The following AKAP8L variants were observed in gnomAD, a reference collection of about 807,000 sequenced individuals.
The protein encoded by AKAP8L is A-kinase anchor protein 8-like.
AKAP8L carries 34 observed loss-of-function variants against 77.5 expected under a neutral mutation model. The ratio of observed to expected loss-of-function variants is 0.44; its 90% CI spans 0.33 to 0.58. AKAP8L has a LOEUF of 0.58. AKAP8L is among the 20% of genes least tolerant of loss of function. The pLI is 0.02. For synonymous variants in AKAP8L, 342 were observed against 340.7 expected (o/e 1.00, Z -0.04); for missense variants, 806 against 887.6 (o/e 0.91, Z 1.17).
chr19:15,386,681 G>T (rs1174295290), intron 12 of AKAP8L, among the ~76,000 whole-genome samples: 1 of 152,024 alleles, frequency 6.6e-6, no homozygotes, highest in African/African-American at 2.4e-5. Flanking sequence ...TTCTGAGTTG[G>T]AGTTTCACTC....
chr19:15,398,653 G>A lies in AKAP8L; in HGVS notation c.1157+649C>T. The A allele has an allele frequency of 5.1e-6, 5 of 986,994 alleles. No individual in the cohort carries two copies. The highest frequency in any genetic ancestry group is 6.0e-6 in the Non-Finnish European group (5 of 830,890). The allele number at this position is 986,994 out of a possible 1,614,324, so 61.1% of individuals were successfully genotyped here. ...ACCTCTGCCGGACGTCCTTATCTGG[G>A]CCACGGGGTCAGCTTTGTCTGGAGA... On this transcript the variant is annotated intron_variant, in intron 9 of 13. Coordinates refer to ENST00000397410, the MANE Select transcript of AKAP8L (RefSeq NM_014371.4). This position sits in a 1 kb window ranked among gnomAD's most constrained non-coding sequence, Gnocchi z 9.2.
intron 2 of AKAP8L, among the ~76,000 whole-genome samples, chr19:15,405,089 C>T (rs914232595): frequency 6.6e-6 from 1 of 152,244 alleles, no homozygotes; most frequent in Non-Finnish European, 1.5e-5. Flanking sequence ...CAGAGGCTTG[C>T]AGTCCCAGGC....
chr19:15,414,065 T>G (rs1968156355), intron 1 of AKAP8L, among the ~76,000 whole-genome samples: 1 of 147,908 alleles, frequency 6.8e-6, no homozygotes, highest in Non-Finnish European at 1.5e-5. Context: ...AATTCTTTTT[T>G]TTTTTTTTTT....
chr19:15,393,069 A>G (rs1967697175), intron 12 of AKAP8L, among the ~76,000 whole-genome samples: 1 of 152,092 alleles, frequency 6.6e-6, no homozygotes, highest in Non-Finnish European at 1.5e-5. Flanking sequence ...AGATGCCAAG[A>G]TCATTCAATG....
Position 15,401,390 on chromosome 19 carries a change from T to G in AKAP8L, c.576A>C (p.Pro192=). ...GWARDARSGR[P]MASGYGRMWE... ...ACATGCGCCCATAGCCTGAGGCCAT[T>G]GGCCGGCCGCTCCGGGCATCCCGGG... Residue 192 remains proline (P), a synonymous_variant, in exon 5 of 14, where the codon CCA becomes CCC. Coordinates refer to ENST00000397410, the MANE Select transcript of AKAP8L (RefSeq NM_014371.4). This position sits in a 1 kb window ranked among gnomAD's most constrained non-coding sequence, Gnocchi z 6.2. 1 of 1,613,196 alleles carries G rather than the reference T, an allele frequency of 6.2e-7. No individual in the cohort carries two copies.
At chr19:15,384,302 G>GTTTT (rs35204682) in intron 12 of AKAP8L, among the ~76,000 whole-genome samples, 2 of 138,004 alleles carry the variant, frequency 1.4e-5, no homozygotes, top group Non-Finnish European at 3.1e-5. Flanking sequence ...TTCCCTCCCT[G>GTTTT]TTTTTTTTTT....
At position 15,403,411 on chromosome 19, in the gene AKAP8L, G is replaced by C. The variant is rs1381590098; in HGVS notation, c.362+64C>G. 1 of 1,497,990 alleles carries C rather than the reference G, an allele frequency of 6.7e-7. No homozygotes were observed. The highest frequency in any genetic ancestry group is 2.3e-5 in the East Asian group (1 of 44,334). 92.8% of individuals were successfully genotyped at this position (1,497,990 alleles called of 1,614,324 possible). A position where few individuals can be genotyped will look rare whatever the true frequency, so the allele number is the denominator to read the frequency against. ...CAGAGGGGCACTCAGAGAGGAAAAC[G>C]CAGTGGGCAGCAGGCAGGAGCCGCC... On this transcript the variant is annotated intron_variant, in intron 4 of 13. Coordinates refer to ENST00000397410, the MANE Select transcript of AKAP8L (RefSeq NM_014371.4). The surrounding 1 kb of genome is among the most constrained non-coding windows in gnomAD (Gnocchi z 4.3).
Position 15,401,468 on chromosome 19 carries a change from G to C in AKAP8L, c.498C>G (p.Asp166Glu). ...TGTCGTTGCCACGCATGCGGAACTGGTCGCGGTAGGCATCGTATTGGCCCT... is the reference window on the plus strand; with the variant it reads ...TGTCGTTGCCACGCATGCGGAACTGCTCGCGGTAGGCATCGTATTGGCCCT... ...AYEGQYDAYRDQFRMRGNDTF... is the reference protein window; with the variant it reads ...AYEGQYDAYREQFRMRGNDTF... Residue 166 changes from aspartate to glutamate, a missense_variant, in exon 5 of 14, where the codon GAC becomes GAG. Coordinates refer to ENST00000397410, the MANE Select transcript of AKAP8L (RefSeq NM_014371.4). This position sits in a 1 kb window ranked among gnomAD's most constrained non-coding sequence, Gnocchi z 6.2. 1 of 1,613,812 alleles carries C rather than the reference G, an allele frequency of 6.2e-7. No individual in the cohort carries two copies. Among genetic ancestry groups the C allele is most frequent in the Non-Finnish European group, 8.5e-7 (1 of 1,179,898 alleles).
intron 8 of AKAP8L, 83 bp downstream of exon 8, chr19:15,400,212 G>T: frequency 1.4e-6 from 2 of 1,461,194 alleles, no homozygotes; most frequent in South Asian, 1.1e-5. Context: ...CATGTCTGCC[G>T]CAACCCTGCC....
chr19:15,380,550 CTTG>C lies in AKAP8L; in HGVS notation c.1596_1598del (p.Asn532del), dbSNP rs750877745. On this transcript the variant is annotated inframe_deletion, in exon 13 of 14. Transcript: ENST00000397410. ...AGCGCTCCAGCTTCTTGCTGATGAGCTTGTTGTTGAGAATACTGCGGGCCACCA... is the reference window on the plus strand; with the variant it reads ...AGCGCTCCAGCTTCTTGCTGATGAGCTTGTTGAGAATACTGCGGGCCACCA... The C allele has an allele frequency of 2.5e-6, 4 of 1,613,816 alleles. No homozygotes were observed. The highest frequency in any genetic ancestry group is 3.4e-6 in the Non-Finnish European group (4 of 1,179,884).
chr19:15,400,912 G>C (rs771671359), intron 6 of AKAP8L, 35 bp downstream of exon 6: 4 of 1,613,826 alleles, frequency 2.5e-6, no homozygotes, highest in Admixed American at 3.3e-5. Context: ...CCCAGAGGCA[G>C]GGGGCAGCCG....
intron 12 of AKAP8L, among the ~76,000 whole-genome samples, chr19:15,386,587 A>T (rs1477665713): frequency 1.3e-5 from 2 of 152,178 alleles, no homozygotes; most frequent in Non-Finnish European, 2.9e-5. Flanking sequence ...AGCCAAGAAG[A>T]CAGGTCTGCC....
intron 12 of AKAP8L, 27 bp from the exon 13 acceptor site, chr19:15,380,639 G>A (rs1351651279): frequency 1.2e-6 from 2 of 1,608,966 alleles, no homozygotes; most frequent in South Asian, 2.2e-5. Context: ...AGGAGCTGGA[G>A]AGGCTGCTCT....
chr19:15,407,640 G>C lies in AKAP8L; in HGVS notation c.88+2880C>G, dbSNP rs751079191. 8.9e-4 allele frequency among the ~76,000 whole-genome samples: 135 copies of C among 152,272 alleles called. 1 individual carries two copies. The highest frequency in any genetic ancestry group is 4.6e-3 in the South Asian group (22 of 4,826). On this transcript the variant is annotated intron_variant, in intron 2 of 13. Coordinates refer to ENST00000397410, the MANE Select transcript of AKAP8L (RefSeq NM_014371.4). ...AGCAATGAATGGAAAGTTTTTAAAA[G>C]TACCATTTCCTATAGCACTAAAAGC...
In AKAP8L at chr19:15,399,427, G is replaced by A. The variant is rs1488106474; in HGVS notation, c.1049-17C>T. 1 of 1,597,120 alleles carries A rather than the reference G, an allele frequency of 6.3e-7. No individual in the cohort carries two copies. The highest frequency in any genetic ancestry group is 1.1e-5 in the South Asian group (1 of 90,782). ...TTAGGGCCCCTGTGGGAGCAGATGG[G>A]CACTGTCACCAATTTGGCTCTGCCA... is the stretch of plus-strand genomic sequence containing the variant. On this transcript the variant is annotated splice_polypyrimidine_tract_variant and intron_variant, in intron 8 of 13. Transcript: ENST00000397410. This position sits in a 1 kb window ranked among gnomAD's most constrained non-coding sequence, Gnocchi z 6.1.
intron 12 of AKAP8L, among the ~76,000 whole-genome samples, chr19:15,381,619 A>AT (rs796464317): frequency 3.2e-4 from 47 of 147,152 alleles, no homozygotes; most frequent in Middle Eastern, 3.6e-3. Flanking sequence ...CTCCATCTTC[A>AT]TTTTTTTTTT....
intron 1 of AKAP8L, among the ~76,000 whole-genome samples, chr19:15,413,006 C>G (rs1327081360): frequency 6.6e-6 from 1 of 152,196 alleles, no homozygotes; most frequent in Non-Finnish European, 1.5e-5. Flanking sequence ...GTGCCTTCCC[C>G]CTGGGTAAGC....
intron 1 of AKAP8L, 147 bp downstream of exon 1, chr19:15,418,764 T>A (rs116836615): frequency 2.8e-5 from 21 of 756,726 alleles, no homozygotes; most frequent in Non-Finnish European, 4.1e-5. Context: ...GCAGCGACCC[T>A]GAGGCGACGG....
At chr19:15,383,641 G>A (rs1024432266) in intron 12 of AKAP8L, 2 of 152,166 alleles carry the variant, frequency 1.3e-5, no homozygotes, top group African/African-American at 4.8e-5. Context: ...TGGTTCCACT[G>A]TTTCATTACT....
Sources: allele counts gnomAD v4.1 joint callset (sites outside exome capture counted in the v4.1 genomes callset), GRCh38; gene constraint gnomAD v4.1.1; non-coding constraint Gnocchi (gnomAD v3.1); transcripts MANE v1.5; gene names NCBI Gene and HGNC (gene_info 2026-07-23, HGNC 2026-07-21).